Variants in HS3ST3B1 observed in about 807,000 individuals in gnomAD.
HS3ST3B1 encodes heparan sulfate-glucosamine 3-sulfotransferase 3B1, also known as heparan sulfate glucosamine 3-O-sulfotransferase 3B1.
Under a neutral mutation model 21.3 loss-of-function variants are expected in HS3ST3B1, and 13 were observed. The ratio of observed to expected loss-of-function variants is 0.61; its 90% CI spans 0.40 to 0.97. The LOEUF (loss-of-function observed/expected upper bound fraction) is 0.97. Among genes scored for constraint, HS3ST3B1 ranks in the 50% least tolerant of loss-of-function variants. HS3ST3B1 has a pLI of 0.00. For missense variants in HS3ST3B1, 459 were observed against 554.8 expected, an observed-to-expected ratio of 0.83 and a Z score of 1.73; for synonymous variants, 234 against 254.8, an observed-to-expected ratio of 0.92 and a Z score of 0.78.
chr17:14,326,872 G>T (rs1361516731), intron 1 of HS3ST3B1, among the ~76,000 whole-genome samples: 3 of 137,400 alleles, frequency 2.2e-5, no homozygotes, highest in Non-Finnish European at 4.6e-5. Context: ...AGTGAGCAGA[G>T]ATCGTGCCAC....
intron 1 of HS3ST3B1, among the ~76,000 whole-genome samples, chr17:14,313,097 T>G (rs1909365830): frequency 8.9e-6 from 1 of 112,936 alleles, no homozygotes; most frequent in African/African-American, 3.8e-5. Flanking sequence ...GTGTGTGGTG[T>G]GTGTGTGTGT....
intron 1 of HS3ST3B1, among the ~76,000 whole-genome samples, chr17:14,326,325 G>A (rs1251258140): frequency 6.6e-6 from 1 of 152,128 alleles, no homozygotes; most frequent in African/African-American, 2.4e-5. Context: ...CTGCCAGGGA[G>A]TTTGCAGGTC....
intron 1 of HS3ST3B1, among the ~76,000 whole-genome samples, chr17:14,318,982 T>G (rs554371033): frequency 2.0e-5 from 3 of 152,314 alleles, no homozygotes; most frequent in East Asian, 3.9e-4. Context: ...TTTGGGGATG[T>G]GGGTTTGGGG....
intron 1 of HS3ST3B1, among the ~76,000 whole-genome samples, chr17:14,341,477 G>T (rs1485820257): frequency 6.6e-6 from 1 of 152,016 alleles, no homozygotes; most frequent in East Asian, 1.9e-4. Flanking sequence ...ACCAGGCTGG[G>T]TACCAAAGCT....
chr17:14,332,159 C>G (rs1217849158), intron 1 of HS3ST3B1, among the ~76,000 whole-genome samples: 1 of 152,006 alleles, frequency 6.6e-6, no homozygotes, highest in Admixed American at 6.6e-5. Context: ...TTTTTGACCC[C>G]TGAGGTTCCC....
rs1301172184 is a variant in HS3ST3B1, at chr17:14,301,233, G to A, written c.-286G>A. 8.7e-6 allele frequency: 4 copies of A among 460,692 alleles called. No homozygotes were observed. Among genetic ancestry groups the A allele is most frequent in the Non-Finnish European group, 1.5e-5 (4 of 263,248 alleles). The allele number at this position is 460,692 out of a possible 1,614,324, so 28.5% of individuals were successfully genotyped here. A position where few individuals can be genotyped will look rare whatever the true frequency, so the allele number is the denominator to read the frequency against. ...GCAACGTCCTCCTGGCCCCGAGCGC[G>A]TCGTCGCGCCCCGGGAGCAGACCCT... On this transcript the variant is annotated 5_prime_UTR_variant, in exon 1 of 2. Transcript: ENST00000360954.
At chr17:14,343,727 T>C (rs1470000138) in intron 1 of HS3ST3B1, among the ~76,000 whole-genome samples, 3 of 152,182 alleles carry the variant, frequency 2.0e-5, no homozygotes, top group Admixed American at 2.0e-4. Flanking sequence ...TTAAAAAATC[T>C]ATTCTCCATT....
At chr17:14,339,094 C>G (rs1342598823) in intron 1 of HS3ST3B1, among the ~76,000 whole-genome samples, 1 of 152,154 alleles carries the variant, frequency 6.6e-6, no homozygotes, top group East Asian at 1.9e-4. Context: ...CCATCAGCCT[C>G]ACAAACATCT....
At chr17:14,329,377 AGG>A (rs1567641318) in intron 1 of HS3ST3B1, 14 of 132,824 alleles carry the variant, frequency 1.1e-4, no homozygotes, top group African/African-American at 3.5e-4. Context: ...AAAGGAAGGA[AGG>A]AAGGAAGGAA....
At chr17:14,315,121 G>GTTT (rs1909456089) in intron 1 of HS3ST3B1, among the ~76,000 whole-genome samples, 1 of 152,122 alleles carries the variant, frequency 6.6e-6, no homozygotes, top group Non-Finnish European at 1.5e-5. Context: ...GCAAATCTTA[G>GTTT]GGTCAGCCTT....
chr17:14,306,970 T>C (rs553316591), intron 1 of HS3ST3B1, among the ~76,000 whole-genome samples: 1 of 152,332 alleles, frequency 6.6e-6, no homozygotes, highest in Non-Finnish European at 1.5e-5. Flanking sequence ...GACCATAAAA[T>C]GGTTGATTAA....
intron 1 of HS3ST3B1, among the ~76,000 whole-genome samples, chr17:14,312,746 C>T (rs1034643780): frequency 6.6e-6 from 1 of 152,040 alleles, no homozygotes; most frequent in African/African-American, 2.4e-5. Flanking sequence ...AACTACACCA[C>T]TCAGGGTCTC....
At position 14,303,229 on chromosome 17, in the gene HS3ST3B1, C is replaced by G. The variant is rs1243610167; in HGVS notation, c.554+1157C>G. Among the ~76,000 whole-genome samples the G allele has an allele frequency of 6.6e-6, 1 of 152,120 alleles. No homozygotes were observed. The highest frequency in any genetic ancestry group is 1.5e-5 in the Non-Finnish European group (1 of 68,024). On this transcript the variant is annotated intron_variant, in intron 1 of 1. Coordinates refer to ENST00000360954, the MANE Select transcript of HS3ST3B1 (RefSeq NM_006041.3). The surrounding 1 kb of genome is among the most constrained non-coding windows in gnomAD (Gnocchi z 5.7). The stretch of plus-strand genomic sequence containing the variant: ...CCAGCCAGCACGACATTCAGACACC[C>G]CTCCAGGCCCAATTAGCTTCACAGA...
At chr17:14,309,610 G>A (rs1597587200) in intron 1 of HS3ST3B1, among the ~76,000 whole-genome samples, 1 of 152,234 alleles carries the variant, frequency 6.6e-6, no homozygotes, top group South Asian at 2.1e-4. Flanking sequence ...CTTCCACTCG[G>A]TGCTGCTGAT....
intron 1 of HS3ST3B1, among the ~76,000 whole-genome samples, chr17:14,307,114 A>G (rs74511159): frequency 0.025 from 3,756 of 152,326 alleles, 66 homozygotes; most frequent in Non-Finnish European, 0.037. Flanking sequence ...ATGCTAAAAT[A>G]TATGAATTAG....
intron 1 of HS3ST3B1, among the ~76,000 whole-genome samples, chr17:14,322,116 C>G (rs1015121341): frequency 2.0e-5 from 3 of 151,532 alleles, no homozygotes; most frequent in Non-Finnish European, 4.4e-5. Flanking sequence ...ACAAAAACCT[C>G]TTTAGAAAGG....
rs540297359 is a variant in HS3ST3B1, at chr17:14,301,767, G to C, written c.249G>C (p.Gly83=). 6.3e-6 allele frequency: 10 copies of C among 1,575,390 alleles called. No individual in the cohort carries two copies. In the African/African-American group the frequency reaches 1.3e-4, roughly 21 times the overall value. The part of the protein sequence containing the change: ...DPPALATAPD[G]TPPRLPFRAP... Reference sequence around the variant, plus strand: ...CAGCCCTGGCCACAGCTCCGGACGGGACGCCCCCCAGGCTGCCGTTCCGGG... The same window carrying C: ...CAGCCCTGGCCACAGCTCCGGACGGCACGCCCCCCAGGCTGCCGTTCCGGG... The change falls in exon 1 of 2, where the codon GGG becomes GGC. Residue 83 remains glycine, a synonymous_variant. Transcript: ENST00000360954.
At chr17:14,344,800 C>T (rs1910499683) in intron 1 of HS3ST3B1, among the ~76,000 whole-genome samples, 1 of 152,214 alleles carries the variant, frequency 6.6e-6, no homozygotes, top group African/African-American at 2.4e-5. Flanking sequence ...CTTGCCCTTT[C>T]TACCTTGCAT....
intron 1 of HS3ST3B1, among the ~76,000 whole-genome samples, chr17:14,332,829 C>CTTTTTTTTTTTTTTTTTTTTTTT (rs71147859): frequency 1.1e-5 from 1 of 91,040 alleles, no homozygotes; most frequent in Non-Finnish European, 2.1e-5. Context: ...GACCTTTTAT[C>CTTTTTTTTTTTTTTTTTTTTTTT]TTTTTTTTTT....
Sources: gnomAD v4.1 joint callset for allele counts (sites outside exome capture counted in the v4.1 genomes callset) on GRCh38, gnomAD v4.1.1 for gene constraint, Gnocchi (gnomAD v3.1) non-coding constraint, MANE v1.5 for transcripts, NCBI Gene and HGNC (gene_info 2026-07-23, HGNC 2026-07-21) for gene names.